ZFPM2: variants seen among roughly 807,000 people sequenced by gnomAD.
ZFPM2 encodes zinc finger protein, FOG family member 2.
ZFPM2 carries 20 observed loss-of-function variants against 98.6 expected under a neutral mutation model. The observed-to-expected ratio is 0.20, with a 90% CI of 0.14 to 0.29. The LOEUF (loss-of-function observed/expected upper bound fraction) is 0.29, where lower values mean the gene tolerates loss of function less well. Ranked by LOEUF, ZFPM2 falls within the 10% of genes least tolerant of loss-of-function variation. The probability of loss-of-function intolerance (pLI) is 1.00; values close to 1 mark genes in which losing one functional copy is unlikely to be tolerated. For synonymous variants in ZFPM2, 518 were observed against 502.7 expected, an observed-to-expected ratio of 1.03 and a Z score of -0.41; for missense variants, 1,310 against 1,388.6, an observed-to-expected ratio of 0.94 and a Z score of 0.90.
At chr8:105,489,495 A>T (rs1342843191) in intron 3 of ZFPM2, among the ~76,000 whole-genome samples, 2 of 123,826 alleles carry the variant, frequency 1.6e-5, no homozygotes, top group Non-Finnish European at 3.2e-5. Flanking sequence ...ATGGAATCTC[A>T]CTTTGTTGCC....
At chr8:105,485,665 A>G (rs1391801069) in intron 3 of ZFPM2, among the ~76,000 whole-genome samples, 1 of 152,216 alleles carries the variant, frequency 6.6e-6, no homozygotes, top group African/African-American at 2.4e-5. Flanking sequence ...AAGAGGGAAG[A>G]GCAACTATAG....
intron 6 of ZFPM2, among the ~76,000 whole-genome samples, chr8:105,792,025 T>C (rs544204114): frequency 2.0e-5 from 3 of 152,100 alleles, no homozygotes; most frequent in Non-Finnish European, 2.9e-5. Flanking sequence ...ATTTTGTTGA[T>C]CCTTTCAAAA....
chr8:105,718,175 C>T (rs1811568491), intron 5 of ZFPM2, among the ~76,000 whole-genome samples: 2 of 152,056 alleles, frequency 1.3e-5, no homozygotes, highest in South Asian at 4.1e-4. Flanking sequence ...GAATCAATGT[C>T]TTGGTCCCTG....
In ZFPM2 at chr8:105,611,990, C is replaced by T. The variant is rs142415490; in HGVS notation, c.421-22256C>T. 3.3e-3 allele frequency among the ~76,000 whole-genome samples: 504 copies of T among 152,188 alleles called. 2 individuals carry two copies. The highest frequency in any genetic ancestry group is 0.011 in the African/African-American group (467 of 41,532). The stretch of plus-strand genomic sequence containing the variant: ...CTGAGATTACAGGCATGAGCCACCA[C>T]GCCCAGTCTGACCCTTATTCTTAGA... On this transcript the variant is annotated intron_variant, in intron 4 of 7. Transcript: ENST00000407775.
chr8:105,633,111 T>A (rs1384842297), intron 4 of ZFPM2, among the ~76,000 whole-genome samples: 3 of 152,214 alleles, frequency 2.0e-5, no homozygotes, highest in Admixed American at 6.5e-5. Context: ...TGAAATGGGT[T>A]TTCCAGATTC....
chr8:105,623,970 A>G (rs1245698945), intron 4 of ZFPM2, among the ~76,000 whole-genome samples: 1 of 152,178 alleles, frequency 6.6e-6, no homozygotes, highest in Non-Finnish European at 1.5e-5. Flanking sequence ...CAATGTGTTG[A>G]GCTTTCCTAT....
chr8:105,715,830 G>T (rs1326006168), intron 5 of ZFPM2, among the ~76,000 whole-genome samples: 1 of 151,978 alleles, frequency 6.6e-6, no homozygotes, highest in Admixed American at 6.6e-5. Context: ...CTTGGACTTT[G>T]CCCCAGACCT....
intron 4 of ZFPM2, among the ~76,000 whole-genome samples, chr8:105,596,788 G>A (rs934801810): frequency 1.5e-5 from 2 of 136,360 alleles, no homozygotes; most frequent in African/African-American, 5.5e-5. Flanking sequence ...AGATTCCTGA[G>A]CAGATAGAGC....
At chr8:105,551,623 T>C (rs1814855291) in intron 3 of ZFPM2, among the ~76,000 whole-genome samples, 1 of 152,156 alleles carries the variant, frequency 6.6e-6, no homozygotes, top group Non-Finnish European at 1.5e-5. Context: ...ATTTTTCCCT[T>C]GTCATTTATT....
intron 1 of ZFPM2, among the ~76,000 whole-genome samples, chr8:105,380,657 ATT>A (rs1491284484): frequency 1.1e-4 from 3 of 27,672 alleles, no homozygotes; most frequent in African/African-American, 6.2e-4. Flanking sequence ...ATATATATAT[ATT>A]ATATATAACA....
chr8:105,630,934 C>T (rs1219856613), intron 4 of ZFPM2, among the ~76,000 whole-genome samples: 1 of 152,106 alleles, frequency 6.6e-6, no homozygotes, highest in Non-Finnish European at 1.5e-5. Flanking sequence ...GTACAGCCTC[C>T]TGGGAAACCT....
At chr8:105,677,571 G>A (rs1382852346) in intron 5 of ZFPM2, among the ~76,000 whole-genome samples, 1 of 151,534 alleles carries the variant, frequency 6.6e-6, no homozygotes, top group East Asian at 1.9e-4. Flanking sequence ...CTGTATTGTA[G>A]AGGGTTTTTT....
At chr8:105,536,232 T>G (rs1346494471) in intron 3 of ZFPM2, among the ~76,000 whole-genome samples, 1 of 152,178 alleles carries the variant, frequency 6.6e-6, no homozygotes, top group Non-Finnish European at 1.5e-5. Flanking sequence ...TTAATTTTAC[T>G]GCTTAATAAT....
At chr8:105,504,311 T>C (rs891508890) in intron 3 of ZFPM2, among the ~76,000 whole-genome samples, 3 of 152,140 alleles carry the variant, frequency 2.0e-5, no homozygotes, top group African/African-American at 7.2e-5. Context: ...AGAGGAGAAG[T>C]GGAAGAGGTT....
At chr8:105,636,777 CAAT>C (rs1816855480) in intron 5 of ZFPM2, among the ~76,000 whole-genome samples, 2 of 152,226 alleles carry the variant, frequency 1.3e-5, no homozygotes, top group African/African-American at 2.4e-5. Context: ...TGCTGCTATT[CAAT>C]AATGTTTTAA....
intron 1 of ZFPM2, among the ~76,000 whole-genome samples, chr8:105,410,387 C>A (rs975440175): frequency 2.0e-5 from 3 of 151,834 alleles, no homozygotes; most frequent in African/African-American, 7.3e-5. Context: ...TCGCCAAAGC[C>A]CTTTTTTAGT....
At position 105,666,851 on chromosome 8, in the gene ZFPM2, G is replaced by A. The variant is rs994297664; in HGVS notation, c.532+32494G>A. ...AGTGTTACTTAAGAATGTTCTTGAT[G>A]GAGCAATAAAATTTAACGCTCCCAC... On this transcript the variant is annotated intron_variant, in intron 5 of 7. Transcript: ENST00000407775. Among the ~76,000 whole-genome samples, 134 of 151,884 alleles carry A rather than the reference G, an allele frequency of 8.8e-4. 1 individual carries two copies. The highest frequency in any genetic ancestry group is 3.2e-3 in the African/African-American group (131 of 41,522).
At chr8:105,571,309 A>C (rs1450583781) in intron 4 of ZFPM2, among the ~76,000 whole-genome samples, 1 of 152,212 alleles carries the variant, frequency 6.6e-6, no homozygotes, top group Non-Finnish European at 1.5e-5. Context: ...GGGTGGATAT[A>C]TAGCATCCCT....
intron 4 of ZFPM2, among the ~76,000 whole-genome samples, chr8:105,591,367 G>T (rs776746274): frequency 6.6e-6 from 1 of 152,052 alleles, no homozygotes; most frequent in Non-Finnish European, 1.5e-5. Flanking sequence ...TTCTGTCACA[G>T]TTTGTTCATT....
Sources: allele counts gnomAD v4.1 joint callset (sites outside exome capture counted in the v4.1 genomes callset), GRCh38; gene constraint gnomAD v4.1.1; transcripts MANE v1.5; gene names NCBI Gene and HGNC (gene_info 2026-07-23, HGNC 2026-07-21).